PPP2R5A: variants seen among roughly 807,000 people sequenced by gnomAD.
The protein encoded by PPP2R5A is protein phosphatase 2 regulatory subunit B'alpha.
Under a neutral mutation model 64.2 loss-of-function variants are expected in PPP2R5A, and 25 were observed. The ratio of observed to expected loss-of-function variants is 0.39; its 90% CI spans 0.28 to 0.54. The LOEUF is 0.54. PPP2R5A is among the 20% of genes least tolerant of loss of function. The pLI is 0.67. For missense variants in PPP2R5A, 425 were observed against 576.3 expected, an observed-to-expected ratio of 0.74 and a Z score of 2.69; for synonymous variants, 198 against 201.2, an observed-to-expected ratio of 0.98 and a Z score of 0.13.
intron 1 of PPP2R5A, among the ~76,000 whole-genome samples, chr1:212,322,607 C>G (rs114173952): frequency 0.054 from 8,296 of 152,230 alleles, 314 homozygotes; most frequent in Admixed American, 0.087. Context: ...ATGACAGCAG[C>G]TTCGCTTCTC....
At chr1:212,348,687 A>G (rs561266237) in intron 7 of PPP2R5A, among the ~76,000 whole-genome samples, 190 bp downstream of exon 7, 5 of 152,352 alleles carry the variant, frequency 3.3e-5, no homozygotes, top group Admixed American at 6.5e-5. Context: ...TTTAATTTCT[A>G]TATCTACACT....
At chr1:212,355,167 CTTTTT>C (rs1571613724) in intron 8 of PPP2R5A, among the ~76,000 whole-genome samples, 1 of 151,992 alleles carries the variant, frequency 6.6e-6, no homozygotes, top group East Asian at 1.9e-4. Flanking sequence ...TGAAAAGTAC[CTTTTT>C]ATTATTCATC....
chr1:212,321,749 G>C, intron 1 of PPP2R5A, among the ~76,000 whole-genome samples: 1 of 148,742 alleles, frequency 6.7e-6, no homozygotes, highest in Non-Finnish European at 1.5e-5. Flanking sequence ...GACGATGGGC[G>C]GCCAGGCAGA....
chr1:212,309,617 ACGGTC>A (rs1658989975), intron 1 of PPP2R5A: 2 of 589,688 alleles, frequency 3.4e-6, no homozygotes, highest in African/African-American at 3.7e-5. Context: ...AATCCAACAT[ACGGTC>A]ACTCTCACAG....
chr1:212,349,133 C>A, intron 7 of PPP2R5A, 56 bp from the exon 8 acceptor site: 1 of 1,214,540 alleles, frequency 8.2e-7, no homozygotes, highest in Non-Finnish European at 1.1e-6. Flanking sequence ...ATATAAAAAT[C>A]CTACATTATT....
chr1:212,330,325 T>TG (rs1659481524), intron 2 of PPP2R5A, among the ~76,000 whole-genome samples: 1 of 151,908 alleles, frequency 6.6e-6, no homozygotes, highest in Non-Finnish European at 1.5e-5. Flanking sequence ...GGCCAAGAGT[T>TG]CAAGACCAGC....
At chr1:212,345,957 T>C (rs1364158115) in intron 5 of PPP2R5A, 24 bp downstream of exon 5, 4 of 1,550,584 alleles carry the variant, frequency 2.6e-6, no homozygotes, top group Middle Eastern at 1.8e-4. Context: ...TTATTGTATA[T>C]TGCACCTTTT....
chr1:212,326,862 T>G (rs1659415568), intron 1 of PPP2R5A, among the ~76,000 whole-genome samples: 1 of 152,248 alleles, frequency 6.6e-6, no homozygotes, highest in South Asian at 2.1e-4. Context: ...ATCATGTGAC[T>G]TTTGCTGTTC....
rs573976894 is a variant in PPP2R5A, at chr1:212,330,259, C to T, written c.378+928C>T. Among the ~76,000 whole-genome samples the T allele has an allele frequency of 7.2e-5, 11 of 152,036 alleles. No homozygotes were observed. The East Asian group carries it at 7.7e-4, about 11-fold the overall frequency. ...AAAAATTCAGGCCAGTGCAGTGGCT[C>T]GCTTATGCTTGTAAACCCCAGCACT... On this transcript the variant is annotated intron_variant, in intron 2 of 12. Coordinates refer to ENST00000261461, the MANE Select transcript of PPP2R5A (RefSeq NM_006243.4).
intron 1 of PPP2R5A, among the ~76,000 whole-genome samples, chr1:212,305,092 A>G (rs989999002): frequency 2.2e-5 from 3 of 135,450 alleles, no homozygotes; most frequent in Non-Finnish European, 4.6e-5. Context: ...GCTGGAGTGC[A>G]GTGGCTCCAT....
At chr1:212,312,405 A>AT (rs1413323314) in intron 1 of PPP2R5A, among the ~76,000 whole-genome samples, 2 of 152,064 alleles carry the variant, frequency 1.3e-5, no homozygotes, top group African/African-American at 4.8e-5. Flanking sequence ...CTGAATAGAT[A>AT]TTTTTTTGCT....
chr1:212,348,490 A>C lies in PPP2R5A; in HGVS notation c.866A>C (p.His289Pro), dbSNP rs781225971. The change falls in exon 7 of 13, where the codon CAT becomes CCT. Residue 289 changes from histidine to proline, a missense_variant. His to Pro is a moderately conservative substitution (Grantham distance 77). This residue lies in a region of PPP2R5A where 177 missense variants were observed against 244.8 expected (regional missense o/e 0.72). Transcript: ENST00000261461. ...ACTGCAAAAGGATTAGCTTTGTTTC[A>C]TGCTCAGGTAAGTTTCAGAAACATT... ...MHTAKGLALF[H>P]AQLAYCVVQF... 6.4e-7 allele frequency: 1 copy of C among 1,573,664 alleles called. No individual in the cohort carries two copies. Among genetic ancestry groups the C allele is most frequent in the Non-Finnish European group, 8.7e-7 (1 of 1,148,218 alleles).
At position 212,286,296 on chromosome 1, in the gene PPP2R5A, C is replaced by T. The variant is rs1054152672; in HGVS notation, c.181+5C>T. On this transcript the variant is annotated splice_donor_5th_base_variant and intron_variant, in intron 1 of 12. Coordinates refer to ENST00000261461, the MANE Select transcript of PPP2R5A (RefSeq NM_006243.4). Reference sequence around the variant, plus strand: ...ACCCGCTGCCCCAGCTCAAAGGTAACCTCCGAGGGCGCAGCCCCAGCAGCG... The same window carrying T: ...ACCCGCTGCCCCAGCTCAAAGGTAATCTCCGAGGGCGCAGCCCCAGCAGCG... 8 of 1,503,628 alleles carry T rather than the reference C, an allele frequency of 5.3e-6. No individual in the cohort carries two copies. The highest frequency in any genetic ancestry group is 4.2e-5 in the Admixed American group (2 of 47,142). 93.1% of individuals were successfully genotyped at this position (1,503,628 alleles called of 1,614,324 possible).
chr1:212,352,735 C>G (rs1659909431), intron 8 of PPP2R5A: 1 of 510,462 alleles, frequency 2.0e-6, no homozygotes, highest in Non-Finnish European at 3.9e-6. Flanking sequence ...AAGGCCTGAG[C>G]CACCATGCCT....
chr1:212,319,524 A>G (rs944611235), intron 1 of PPP2R5A: 4 of 152,308 alleles, frequency 2.6e-5, no homozygotes, highest in African/African-American at 9.6e-5. Flanking sequence ...GAATTCTTAA[A>G]ACGGAGAAGC....
At chr1:212,351,570 C>T (rs929124514) in intron 8 of PPP2R5A, among the ~76,000 whole-genome samples, 3 of 151,848 alleles carry the variant, frequency 2.0e-5, no homozygotes, top group Admixed American at 6.6e-5. Flanking sequence ...AAAAATTAGC[C>T]GGGCGTGATG....
chr1:212,302,116 T>C, intron 1 of PPP2R5A: 1 of 1,490,812 alleles, frequency 6.7e-7, no homozygotes, highest in Non-Finnish European at 9.0e-7. Flanking sequence ...GATTTCAGTG[T>C]TCTACTTGGT....
chr1:212,309,222 A>C, intron 1 of PPP2R5A: 1 of 1,416,962 alleles, frequency 7.1e-7, no homozygotes, highest in Non-Finnish European at 9.9e-7. Flanking sequence ...TAACATCCAC[A>C]ATGAACACAA....
chr1:212,319,922 CTA>C (rs1464029116), intron 1 of PPP2R5A, among the ~76,000 whole-genome samples: 16 of 147,974 alleles, frequency 1.1e-4, no homozygotes, highest in African/African-American at 3.7e-4. Context: ...TGTGCCCAGC[CTA>C]TGTGTTCTTT....
Sources: allele counts gnomAD v4.1 joint callset (sites outside exome capture counted in the v4.1 genomes callset), GRCh38; gene constraint gnomAD v4.1.1; regional missense constraint gnomAD v4.1.1; transcripts MANE v1.5; gene names NCBI Gene and HGNC (gene_info 2026-07-23, HGNC 2026-07-21).